The following ZNF180 variants were observed in gnomAD, a reference collection of about 807,000 sequenced individuals.
The protein encoded by ZNF180 is zinc finger protein 180, also known as zinc finger protein 180 (HHZ168).
ZNF180 carries 11 observed loss-of-function variants against 11.8 expected under a neutral mutation model. The observed-to-expected ratio is 0.93, with a 90% CI of 0.59 to 1.55. ZNF180 has a LOEUF of 1.55. ZNF180 is among the 40% of genes most tolerant of loss of function. The probability of loss-of-function intolerance (pLI) is 0.00; values close to 1 mark genes in which losing one functional copy is unlikely to be tolerated. For missense variants in ZNF180, 773 were observed against 781.7 expected (o/e 0.99, Z 0.13); for synonymous variants, 287 against 257.7 (o/e 1.11, Z -1.09).
Position 44,479,346 on chromosome 19 carries a change from G to A in ZNF180, c.190C>T (p.Pro64Ser), listed in dbSNP as rs1304741725. The A allele has an allele frequency of 6.2e-7, 1 of 1,613,964 alleles. No individual in the cohort carries two copies. The highest frequency in any genetic ancestry group is 1.1e-5 in the South Asian group (1 of 91,062). ...FTREEQGTCN[P>S]AQRTLDRDVI... is the part of the protein sequence containing the mutation. ...TCTCTGTCCAGGGTCCTCTGAGCAG[G>A]GTTGCAAGTACCCTGTTCCTCCCGT... Residue 64 changes from proline to serine, a missense_variant, in exon 4 of 5, where the codon CCT (proline) becomes TCT (serine). By Grantham distance (74) the Pro-to-Ser change is moderately conservative. Coordinates refer to ENST00000592529, the MANE Select transcript of ZNF180 (RefSeq NM_001278509.3).
At chr19:44,487,728 TGTTTTG>T (rs887333950) in intron 2 of ZNF180, among the ~76,000 whole-genome samples, 5 of 152,152 alleles carry the variant, frequency 3.3e-5, no homozygotes, top group African/African-American at 1.2e-4. Flanking sequence ...TTTGTTTGTT[TGTTTTG>T]GTTTTGGTTT....
At chr19:44,481,286 C>G (rs1177541542) in intron 3 of ZNF180, among the ~76,000 whole-genome samples, 1 of 152,108 alleles carries the variant, frequency 6.6e-6, no homozygotes, top group African/African-American at 2.4e-5. Flanking sequence ...AAAGCACATG[C>G]AAAATACTGC....
At position 44,477,243 on chromosome 19, in the gene ZNF180, T is replaced by C. The variant is rs1012692705; in HGVS notation, c.1157A>G (p.Gln386Arg). Residue 386 changes from glutamine (Q) to arginine (R), a missense_variant, in exon 5 of 5, where the codon CAA becomes CGA. Physicochemically the swap from Gln to Arg is conservative, Grantham distance 43. Transcript: ENST00000592529. ...HTGEKPYRCN[Q>R]CGKSFSQSYV... ...ACTCTGGCTAAAGGATTTCCCACAT[T>C]GATTACACCTGTAAGGTTTCTCTCC... 6.2e-7 allele frequency: 1 copy of C among 1,614,068 alleles called. No individual in the cohort carries two copies. Among genetic ancestry groups the C allele is most frequent in the African/African-American group, 1.3e-5 (1 of 74,928 alleles).
intron 2 of ZNF180, among the ~76,000 whole-genome samples, chr19:44,496,181 C>T (rs1970573951): frequency 6.6e-6 from 1 of 151,740 alleles, no homozygotes; most frequent in Non-Finnish European, 1.5e-5. Context: ...ACTATCCTGG[C>T]TAATTTTTAA....
In ZNF180 at chr19:44,477,315, G is replaced by A. The variant is rs751656717; in HGVS notation, c.1085C>T (p.Ser362Phe). ...AACAAGGTGCGAGCTCCGGCTGAAG[G>A]ATTTTCCACATTCACTACATTCATA... is the stretch of plus-strand genomic sequence containing the variant. ...KPYECSECGK[S>F]FSRSSHLVSH... Residue 362 changes from serine to phenylalanine, a missense_variant, in exon 5 of 5, where the codon TCC (serine) becomes TTC (phenylalanine). By Grantham distance (155) the Ser-to-Phe change is radical. Coordinates refer to ENST00000592529, the MANE Select transcript of ZNF180 (RefSeq NM_001278509.3). 6 of 1,612,128 alleles carry A rather than the reference G, an allele frequency of 3.7e-6. No homozygotes were observed. The South Asian group carries it at 6.6e-5, about 18-fold the overall frequency.
In ZNF180 at chr19:44,479,509, C is replaced by T. The variant is rs1970024051; in HGVS notation, c.127-100G>A. 4 of 1,509,552 alleles carry T rather than the reference C, an allele frequency of 2.6e-6. No homozygotes were observed. In the East Asian group the frequency reaches 9.4e-5, roughly 36 times the overall value. The allele number at this position is 1,509,552 out of a possible 1,614,324, so 93.5% of individuals were successfully genotyped here. ...CAGATGGAAAAAGGAAAATTGGTGACCTGGGAGTTGTCCTTAAATTGTCAG... is the reference window on the plus strand; with the variant it reads ...CAGATGGAAAAAGGAAAATTGGTGATCTGGGAGTTGTCCTTAAATTGTCAG... On this transcript the variant is annotated intron_variant, in intron 3 of 4. Transcript: ENST00000592529.
Position 44,478,022 on chromosome 19 carries a change from T to C in ZNF180, c.378A>G (p.Glu126=). The change falls in exon 5 of 5, where the codon GAA becomes GAG. Residue 126 remains glutamate (E), a synonymous_variant. Transcript: ENST00000592529. ...ACTGGTCTTTACAATCATCCACTTC[T>C]TCACATGAAGATAACCAAGGATCAT... ...TRDDPWLSSC[E]EVDDCKDQLE... 6.2e-7 allele frequency: 1 copy of C among 1,614,108 alleles called. No homozygotes were observed. The highest frequency in any genetic ancestry group is 2.2e-5 in the East Asian group (1 of 44,860).
Position 44,495,875 on chromosome 19 carries a change from G to A in ZNF180, c.51+1409C>T, listed in dbSNP as rs1172823515. Reference sequence around the variant, plus strand: ...CACTCTCTTCACAGCAGGCAGTCCTGACAACTGTAGGTGCCCCCTAACACT... The same window carrying A: ...CACTCTCTTCACAGCAGGCAGTCCTAACAACTGTAGGTGCCCCCTAACACT... On this transcript the variant is annotated intron_variant, in intron 2 of 4. Transcript: ENST00000592529. The surrounding 1 kb of genome is among the most constrained non-coding windows in gnomAD (Gnocchi z 4.5). Among the ~76,000 whole-genome samples the A allele has an allele frequency of 6.6e-6, 1 of 152,216 alleles. No homozygotes were observed. Among genetic ancestry groups the A allele is most frequent in the Non-Finnish European group, 1.5e-5 (1 of 68,048 alleles).
Position 44,497,308 on chromosome 19 carries a change from T to C in ZNF180, c.27A>G (p.Pro9=). 5 of 1,595,894 alleles carry C rather than the reference T, an allele frequency of 3.1e-6. No homozygotes were observed. The highest frequency in any genetic ancestry group is 1.1e-5 in the South Asian group (1 of 89,232). Residue 9 remains proline, a synonymous_variant, in exon 2 of 5, where the codon CCA becomes CCG. Coordinates refer to ENST00000592529, the MANE Select transcript of ZNF180 (RefSeq NM_001278509.3). Reference sequence around the variant, plus strand: ...CCTGTGCACAGACCTTCGGGGGCTCTGGGGGCTTCTCATCCTGCTCTTCCA... The same window carrying C: ...CCTGTGCACAGACCTTCGGGGGCTCCGGGGGCTTCTCATCCTGCTCTTCCA... MEEQDEKP[P]EPPKVCAQDS...
Position 44,499,816 on chromosome 19 carries a change from AATCTTACCT to A in ZNF180, c.-44+450_-44+458del, listed in dbSNP as rs544525752. The stretch of plus-strand genomic sequence containing the variant: ...TAGGGGCCCAGAGCCACCTGCTCGG[AATCTTACCT>A]ACAACCTTTTGCTTCCTACCCAAAT... On this transcript the variant is annotated intron_variant, in intron 1 of 4. Coordinates refer to ENST00000592529, the MANE Select transcript of ZNF180 (RefSeq NM_001278509.3). Among the ~76,000 whole-genome samples, 285 of 152,262 alleles carry A rather than the reference AATCTTACCT, an allele frequency of 1.9e-3. 2 individuals carry two copies. Among genetic ancestry groups the A allele is most frequent in the African/African-American group, 6.8e-3 (282 of 41,544 alleles).
At position 44,477,443 on chromosome 19, in the gene ZNF180, A is replaced by C; in HGVS notation, c.957T>G (p.Asn319Lys). The C allele has an allele frequency of 1.2e-6, 2 of 1,614,124 alleles. No individual in the cohort carries two copies. Among genetic ancestry groups the C allele is most frequent in the Non-Finnish European group, 1.7e-6 (2 of 1,180,010 alleles). ...ATTCAAAAGGTTTCTCTTCAGAATT[A>C]TTTCTCATGTTTTGAGTAAGGGAGG... ...HSSSLTQNMR[N>K]NSEEKPFECN... Residue 319 changes from asparagine to lysine, a missense_variant, in exon 5 of 5, where the codon AAT becomes AAG. Asn to Lys is a moderately conservative substitution (Grantham distance 94). Coordinates refer to ENST00000592529, the MANE Select transcript of ZNF180 (RefSeq NM_001278509.3).
At position 44,477,972 on chromosome 19, in the gene ZNF180, T is replaced by C. The variant is rs1474117642; in HGVS notation, c.428A>G (p.Glu143Gly). The change falls in exon 5 of 5, where the codon GAG becomes GGG. Residue 143 changes from glutamate (E) to glycine (G), a missense_variant. Coordinates refer to ENST00000592529, the MANE Select transcript of ZNF180 (RefSeq NM_001278509.3). Reference protein sequence around the residue: ...DQLEKQQEKQEILLQEVAFTQ... With the variant: ...DQLEKQQEKQGILLQEVAFTQ... ...GAATGCCACTTCCTGCAAAAGTATC[T>C]CTTGTTTTTCCTGTTGCTTCTCCAA... 1 of 1,614,072 alleles carries C rather than the reference T, an allele frequency of 6.2e-7. No homozygotes were observed. The highest frequency in any genetic ancestry group is 1.7e-5 in the Admixed American group (1 of 60,024).
chr19:44,487,583 A>G (rs1970262327), intron 2 of ZNF180, among the ~76,000 whole-genome samples: 1 of 152,216 alleles, frequency 6.6e-6, no homozygotes, highest in African/African-American at 2.4e-5. Context: ...TGCCCACCCC[A>G]GTCCTGGAAA....
intron 1 of ZNF180, among the ~76,000 whole-genome samples, chr19:44,497,750 C>T (rs899330379): frequency 6.6e-6 from 1 of 152,088 alleles, no homozygotes; most frequent in Non-Finnish European, 1.5e-5. Flanking sequence ...TTGAGGACCC[C>T]CTGGTGTTCA....
chr19:44,480,659 A>G (rs759697557), intron 3 of ZNF180, among the ~76,000 whole-genome samples: 5 of 152,232 alleles, frequency 3.3e-5, no homozygotes, highest in African/African-American at 4.8e-5. Context: ...ATCCAAGTCT[A>G]AACACAAATT....
chr19:44,477,248 ACACCTGTAAGGTTTC>A lies in ZNF180; in HGVS notation c.1137_1151del (p.Glu379_Cys384delinsAsp), dbSNP rs1166774162. The A allele has an allele frequency of 6.2e-7, 1 of 1,614,156 alleles. No homozygotes were observed. The stretch of plus-strand genomic sequence containing the variant: ...GGCTAAAGGATTTCCCACATTGATT[ACACCTGTAAGGTTTC>A]TCTCCAGTATGAGTTCTCTGATGGG... On this transcript the variant is annotated inframe_deletion, in exon 5 of 5. Transcript: ENST00000592529.
rs543709396 is a variant in ZNF180 at position 44,490,297 on chromosome 19, G to A, written c.52-5862C>T. Among the ~76,000 whole-genome samples the A allele has an allele frequency of 4.9e-4, 74 of 152,308 alleles. 1 individual carries two copies. The South Asian group carries it at 0.014, about 30-fold the overall frequency. The stretch of plus-strand genomic sequence containing the variant: ...AGCCTCCCAAAGTGGGATTACAGGC[G>A]TGAGTCACCACAACTGGCCTAAACT... On this transcript the variant is annotated intron_variant, in intron 2 of 4. Coordinates refer to ENST00000592529, the MANE Select transcript of ZNF180 (RefSeq NM_001278509.3).
chr19:44,487,821 G>C (rs187377080), intron 2 of ZNF180, among the ~76,000 whole-genome samples: 44 of 152,142 alleles, frequency 2.9e-4, no homozygotes, highest in African/African-American at 9.9e-4. Context: ...CCACCTCCGG[G>C]GTTCAAGTGA....
chr19:44,485,426 T>C (rs955676729), intron 2 of ZNF180, among the ~76,000 whole-genome samples: 3 of 152,206 alleles, frequency 2.0e-5, no homozygotes, highest in Non-Finnish European at 4.4e-5. Flanking sequence ...ATAACACATT[T>C]TATTCTGTCT....
Sources: allele counts gnomAD v4.1 joint callset (sites outside exome capture counted in the v4.1 genomes callset), GRCh38; gene constraint gnomAD v4.1.1; non-coding constraint Gnocchi (gnomAD v3.1); transcripts MANE v1.5; gene names NCBI Gene and HGNC (gene_info 2026-07-23, HGNC 2026-07-21).